Variants in ELAVL2 observed in about 807,000 individuals in gnomAD.
ELAVL2 encodes ELAV-like protein 2.
Under a neutral mutation model 34.6 loss-of-function variants are expected in ELAVL2, and 4 were observed. The ratio of observed to expected loss-of-function variants is 0.12; its 90% confidence interval spans 0.06 to 0.26. ELAVL2 has a LOEUF of 0.26. Ranked by LOEUF, ELAVL2 falls within the 10% of genes least tolerant of loss-of-function variation. The probability of loss-of-function intolerance (pLI) is 1.00; values close to 1 mark genes in which losing one functional copy is unlikely to be tolerated. For synonymous variants in ELAVL2, 193 were observed against 154.8 expected, an observed-to-expected ratio of 1.25 and a Z score of -1.83; for missense variants, 432 against 442.8, an observed-to-expected ratio of 0.98 and a Z score of 0.22.
At chr9:23,802,908 G>A (rs561312924) in intron 1 of ELAVL2, among the ~76,000 whole-genome samples, 55 of 151,546 alleles carry the variant, frequency 3.6e-4, no homozygotes, top group African/African-American at 1.3e-3. Flanking sequence ...TATTTAAACA[G>A]GTTTTTAAAC....
chr9:23,696,812 A>C (rs923591389), intron 5 of ELAVL2, among the ~76,000 whole-genome samples: 1 of 152,114 alleles, frequency 6.6e-6, no homozygotes, highest in African/African-American at 2.4e-5. Context: ...TCAATTTTTA[A>C]ATGGAGAGCA....
intron 2 of ELAVL2, among the ~76,000 whole-genome samples, chr9:23,751,068 ACAAGGTAATAAACATT>A (rs887838703): frequency 2.6e-5 from 4 of 152,164 alleles, no homozygotes; most frequent in African/African-American, 9.7e-5. Context: ...GATCTACTCT[ACAAGGTAATAAACATT>A]CAAGTCTATC....
chr9:23,716,474 A>G (rs1480298015), intron 3 of ELAVL2, among the ~76,000 whole-genome samples: 1 of 152,200 alleles, frequency 6.6e-6, no homozygotes, highest in Non-Finnish European at 1.5e-5. Context: ...GCATTAAAAC[A>G]AAAACAAAAC....
intron 5 of ELAVL2, among the ~76,000 whole-genome samples, chr9:23,694,456 A>G (rs932475847): frequency 2.0e-5 from 3 of 152,238 alleles, no homozygotes; most frequent in African/African-American, 7.2e-5. Context: ...AGGAGGAGGC[A>G]TAACTTAATA....
chr9:23,727,946 A>G (rs898194833), intron 3 of ELAVL2, among the ~76,000 whole-genome samples: 7 of 152,110 alleles, frequency 4.6e-5, no homozygotes, highest in African/African-American at 1.7e-4. Flanking sequence ...AACGCATACT[A>G]AATTCTAAGT....
chr9:23,825,128 T>G (rs997254818), intron 1 of ELAVL2, among the ~76,000 whole-genome samples: 1 of 152,214 alleles, frequency 6.6e-6, no homozygotes, highest in Non-Finnish European at 1.5e-5. Context: ...ATTGGCTATC[T>G]TCTTTTAAAA....
intron 3 of ELAVL2, among the ~76,000 whole-genome samples, chr9:23,705,784 C>CA (rs1288179211): frequency 6.6e-6 from 1 of 152,164 alleles, no homozygotes; most frequent in African/African-American, 2.4e-5. Flanking sequence ...ACCTGCTGCT[C>CA]ACCTCTGGCT....
intron 1 of ELAVL2, among the ~76,000 whole-genome samples, chr9:23,780,005 A>T (rs2058831949): frequency 1.6e-5 from 1 of 61,784 alleles, no homozygotes. Context: ...AAAAAAAAAA[A>T]AAAAAAAAAA....
intron 1 of ELAVL2, among the ~76,000 whole-genome samples, chr9:23,764,600 T>C (rs879296419): frequency 2.0e-5 from 3 of 152,202 alleles, no homozygotes; most frequent in Admixed American, 2.0e-4. Context: ...AGATTTACAA[T>C]TTCAACTTTT....
At chr9:23,737,891 G>A (rs995179853) in intron 2 of ELAVL2, among the ~76,000 whole-genome samples, 2 of 152,104 alleles carry the variant, frequency 1.3e-5, no homozygotes, top group African/African-American at 4.8e-5. Context: ...TCCAAACACA[G>A]CTCTTGCATA....
intron 3 of ELAVL2, among the ~76,000 whole-genome samples, chr9:23,713,525 G>T (rs978419180): frequency 6.6e-6 from 1 of 152,034 alleles, no homozygotes; most frequent in African/African-American, 2.4e-5. Flanking sequence ...AAAATAGATG[G>T]GAGTTTTAGC....
At chr9:23,729,935 G>A (rs959360445) in intron 3 of ELAVL2, among the ~76,000 whole-genome samples, 1 of 152,110 alleles carries the variant, frequency 6.6e-6, no homozygotes, top group African/African-American at 2.4e-5. Context: ...GGATACTACA[G>A]TCAGCCTTGA....
intron 4 of ELAVL2, among the ~76,000 whole-genome samples, chr9:23,704,011 T>C (rs2038419750): frequency 6.6e-6 from 1 of 152,022 alleles, no homozygotes; most frequent in South Asian, 2.1e-4. Flanking sequence ...CAGCTCACCG[T>C]GACCTCCGCC....
At chr9:23,767,617 C>A (rs1464544127) in intron 1 of ELAVL2, among the ~76,000 whole-genome samples, 1 of 152,002 alleles carries the variant, frequency 6.6e-6, no homozygotes, top group Non-Finnish European at 1.5e-5. Flanking sequence ...CCCACCTCTA[C>A]TAAAAATACA....
chr9:23,736,482 G>A (rs1210784740), intron 2 of ELAVL2, among the ~76,000 whole-genome samples: 1 of 152,122 alleles, frequency 6.6e-6, no homozygotes, highest in Non-Finnish European at 1.5e-5. Context: ...GGTGAGAGTG[G>A]GGAGGGGAGG....
At chr9:23,702,704 C>T (rs2037710248) in intron 4 of ELAVL2, among the ~76,000 whole-genome samples, 1 of 151,776 alleles carries the variant, frequency 6.6e-6, no homozygotes, top group South Asian at 2.1e-4. Context: ...CTAAGACAGC[C>T]CCTATCACTT....
At chr9:23,820,846 G>A (rs1241985161) in intron 1 of ELAVL2, among the ~76,000 whole-genome samples, 1 of 152,198 alleles carries the variant, frequency 6.6e-6, no homozygotes, top group Non-Finnish European at 1.5e-5. Flanking sequence ...CCGGCAGAGC[G>A]CCCGCGCTTC....
the ELAVL2 span, among the ~76,000 whole-genome samples, chr9:23,844,450 T>C: frequency 6.6e-6 from 1 of 152,022 alleles, no homozygotes; most frequent in African/African-American, 2.4e-5. Flanking sequence ...TCTGCAACAA[T>C]ATCAGATTTA....
intron 1 of ELAVL2, among the ~76,000 whole-genome samples, chr9:23,792,192 A>G (rs1194592552): frequency 6.6e-6 from 1 of 152,238 alleles, no homozygotes; most frequent in African/African-American, 2.4e-5. Context: ...ATTATAGGCT[A>G]ATGCAAGTGT....
Sources: gnomAD v4.1 joint callset for allele counts (sites outside exome capture counted in the v4.1 genomes callset) on GRCh38, gnomAD v4.1.1 for gene constraint, MANE v1.5 for transcripts, NCBI Gene and HGNC (gene_info 2026-07-23, HGNC 2026-07-21) for gene names.